ABCB1: variants seen among roughly 807,000 people sequenced by gnomAD.
ABCB1 encodes ATP-dependent translocase ABCB1.
ABCB1 carries 69 observed loss-of-function variants against 142.0 expected under a neutral mutation model. The observed-to-expected ratio is 0.49, with a 90% CI of 0.40 to 0.59. The LOEUF is 0.59. Among genes scored for constraint, ABCB1 ranks in the 20% least tolerant of loss-of-function variants. The pLI is 0.00. For missense variants in ABCB1, 1,326 were observed against 1,554.7 expected, an observed-to-expected ratio of 0.85 and a Z score of 2.47; for synonymous variants, 532 against 539.2, an observed-to-expected ratio of 0.99 and a Z score of 0.18.
At chr7:87,698,774 C>T (rs184406881) in intron 1 of ABCB1, among the ~76,000 whole-genome samples, 4 of 152,194 alleles carry the variant, frequency 2.6e-5, no homozygotes, top group Admixed American at 2.6e-4. Context: ...GTGAAATAAT[C>T]AAGTAAAGAA....
At chr7:87,625,263 A>G (rs1334544417) in intron 1 of ABCB1, among the ~76,000 whole-genome samples, 1 of 152,118 alleles carries the variant, frequency 6.6e-6, no homozygotes, top group Non-Finnish European at 1.5e-5. Context: ...TCTCAAAAAA[A>G]AAAAAGAAAA....
intron 1 of ABCB1, among the ~76,000 whole-genome samples, chr7:87,634,652 C>T (rs963268420): frequency 1.3e-5 from 2 of 151,586 alleles, no homozygotes; most frequent in African/African-American, 4.8e-5. Flanking sequence ...AAAAAAAGAA[C>T]TTTAAATCCA....
At chr7:87,697,296 T>C (rs895238722) in intron 1 of ABCB1, among the ~76,000 whole-genome samples, 6 of 152,206 alleles carry the variant, frequency 3.9e-5, no homozygotes, top group Non-Finnish European at 8.8e-5. Context: ...TATTGTCTTT[T>C]TAGAGAGACT....
Position 87,566,859 on chromosome 7 carries a change from A to G in ABCB1, c.456T>C (p.Phe152=), listed in dbSNP as rs764454292. The change falls in exon 6 of 28, where the codon TTT becomes TTC. Residue 152 remains phenylalanine (F), a synonymous_variant. Transcript: ENST00000622132. ...CTATCTCCTGTCGCATTATAGCATG[A>G]AAAAACTGTTTTCTAATTTTGTGTA... is the stretch of plus-strand genomic sequence containing the variant. ...RQIHKIRKQF[F]HAIMRQEIGW... 2 of 1,614,186 alleles carry G rather than the reference A, an allele frequency of 1.2e-6. No individual in the cohort carries two copies. Among genetic ancestry groups the G allele is most frequent in the South Asian group, 1.1e-5 (1 of 91,090 alleles).
rs191200953 is a variant in ABCB1, at chr7:87,616,409, C to A, written c.-330-15331G>T. On this transcript the variant is annotated intron_variant, in intron 1 of 28. Transcript: ENST00000265724. The stretch of plus-strand genomic sequence containing the variant: ...AGAAGTGATGGATGTTTTGTGCAAT[C>A]TGGAGCTGACACAATTTCTTGGTTT... Among the ~76,000 whole-genome samples, 7 of 152,274 alleles carry A rather than the reference C, an allele frequency of 4.6e-5. No individual in the cohort carries two copies. In the East Asian group the frequency reaches 7.7e-4, roughly 17 times the overall value.
chr7:87,539,443 C>A, intron 18 of ABCB1, 98 bp from the exon 19 acceptor site: 1 of 1,212,196 alleles, frequency 8.2e-7, no homozygotes, highest in Non-Finnish European at 1.2e-6. Flanking sequence ...CAGACAAAGT[C>A]AGAAAGCCTG....
chr7:87,600,052 G>T, intron 2 of ABCB1, 65 bp downstream of exon 2: 1 of 1,405,272 alleles, frequency 7.1e-7, no homozygotes, highest in Non-Finnish European at 1.0e-6. Context: ...CAGAGCTGGA[G>T]GCTAGAAATA....
At chr7:87,550,387 C>CT (rs1375390997) in intron 11 of ABCB1, 81 bp downstream of exon 11, 5 of 1,605,742 alleles carry the variant, frequency 3.1e-6, no homozygotes, top group Admixed American at 1.7e-5. Flanking sequence ...TATACATGCA[C>CT]TTTTTTATAA....
In ABCB1 at chr7:87,697,146, G is replaced by A. The variant is rs144724572; in HGVS notation, c.-331+16015C>T. Among the ~76,000 whole-genome samples, 373 of 152,108 alleles carry A rather than the reference G, an allele frequency of 2.5e-3. 1 individual carries two copies. The highest frequency in any genetic ancestry group is 8.3e-3 in the African/African-American group (343 of 41,508). ...GGACCCTTGTACATTTCCTTAAAAC[G>A]GAAAATCTTCTTGTTCATGGACAAC... On this transcript the variant is annotated intron_variant, in intron 1 of 28. Transcript: ENST00000265724.
chr7:87,584,475 T>A (rs1201575872), intron 4 of ABCB1, among the ~76,000 whole-genome samples: 3 of 152,110 alleles, frequency 2.0e-5, no homozygotes, highest in African/African-American at 7.2e-5. Context: ...TTTAAATCAA[T>A]CTAGGCTTGA....
At chr7:87,651,718 A>G (rs774209531) in intron 1 of ABCB1, among the ~76,000 whole-genome samples, 4 of 152,138 alleles carry the variant, frequency 2.6e-5, no homozygotes, top group Non-Finnish European at 5.9e-5. Flanking sequence ...TCTCAGGCGT[A>G]CTGTGAAGAT....
chr7:87,617,496 G>A (rs1157471983), intron 1 of ABCB1, among the ~76,000 whole-genome samples: 1 of 152,180 alleles, frequency 6.6e-6, no homozygotes, highest in African/African-American at 2.4e-5. Context: ...GGAGCAGAGT[G>A]ACTATTGTTT....
rs1021495922 is a variant in ABCB1, at chr7:87,505,839, T to C, written c.3636+58A>G. ...GCATTTTGTTCTTTACTATGGAGAA[T>C]ACAGCATTTTTAAGGATGACTGATT... On this transcript the variant is annotated intron_variant, in intron 27 of 27. Coordinates refer to ENST00000622132, the MANE Select transcript of ABCB1 (RefSeq NM_001348946.2). The C allele has an allele frequency of 5.6e-6, 9 of 1,598,562 alleles. No homozygotes were observed. The Admixed American group carries it at 8.3e-5, about 15-fold the overall frequency.
At chr7:87,673,909 G>C (rs1207947407) in intron 1 of ABCB1, among the ~76,000 whole-genome samples, 1 of 152,092 alleles carries the variant, frequency 6.6e-6, no homozygotes, top group East Asian at 1.9e-4. Flanking sequence ...TGATGCCCTT[G>C]GGTGTTTGAT....
At chr7:87,601,591 AATTTCCTTCC>A (rs773603212), upstream of ABCB1, among the ~76,000 whole-genome samples, 23 of 152,222 alleles carry the variant, frequency 1.5e-4, no homozygotes, top group Admixed American at 7.2e-4. Flanking sequence ...CATTAGTTGT[AATTTCCTTCC>A]ATATTTACTG....
intron 21 of ABCB1, among the ~76,000 whole-genome samples, chr7:87,530,869 G>GAAAGAAAGA (rs1563037468): frequency 4.7e-5 from 5 of 106,230 alleles, no homozygotes; most frequent in Admixed American, 3.0e-4. Context: ...AAGAAAGAAA[G>GAAAGAAAGA]AAAGAAAAGA....
chr7:87,506,970 A>T (rs552087288), intron 26 of ABCB1, among the ~76,000 whole-genome samples: 5 of 152,286 alleles, frequency 3.3e-5, no homozygotes, highest in Admixed American at 2.0e-4. Flanking sequence ...GGAGCACTGA[A>T]GTGTATCTCA....
intron 1 of ABCB1, among the ~76,000 whole-genome samples, chr7:87,647,169 A>G (rs1436761467): frequency 6.6e-6 from 1 of 152,218 alleles, no homozygotes; most frequent in Non-Finnish European, 1.5e-5. Context: ...TTACACAACA[A>G]GAATGCCATA....
chr7:87,585,484 A>G (rs776980607), intron 4 of ABCB1, 28 bp downstream of exon 4: 2 of 1,611,338 alleles, frequency 1.2e-6, no homozygotes, highest in Non-Finnish European at 1.7e-6. Context: ...CAAGTTTCCA[A>G]TAAAATTGGT....
Sources: allele counts gnomAD v4.1 joint callset (sites outside exome capture counted in the v4.1 genomes callset), GRCh38; gene constraint gnomAD v4.1.1; transcripts MANE v1.5; gene names NCBI Gene and HGNC (gene_info 2026-07-23, HGNC 2026-07-21).